FSTL4: variants seen among roughly 807,000 people sequenced by gnomAD.
FSTL4 encodes follistatin like 4, also known as follistatin-related protein 4.
FSTL4 carries 28 observed loss-of-function variants against 78.2 expected under a neutral mutation model. That is an observed-to-expected ratio of 0.36 (90% confidence interval 0.27 to 0.49). The LOEUF (loss-of-function observed/expected upper bound fraction) is 0.49. Ranked by LOEUF, FSTL4 falls within the 20% of genes least tolerant of loss-of-function variation. The probability of loss-of-function intolerance (pLI) is 0.98; values close to 1 mark genes in which losing one functional copy is unlikely to be tolerated. For synonymous variants in FSTL4, 422 were observed against 440.5 expected (o/e 0.96, Z 0.53); for missense variants, 922 against 1,084.9 (o/e 0.85, Z 2.11).
the FSTL4 span, among the ~76,000 whole-genome samples, chr5:133,729,880 G>A: frequency 6.6e-6 from 1 of 152,104 alleles, no homozygotes; most frequent in Non-Finnish European, 1.5e-5. Flanking sequence ...AGAGGAACGA[G>A]TCTCTCAAGC....
chr5:133,217,753 C>T (rs1263575924), intron 12 of FSTL4, among the ~76,000 whole-genome samples: 3 of 152,158 alleles, frequency 2.0e-5, no homozygotes, highest in Non-Finnish European at 4.4e-5. Flanking sequence ...AACACTCTGG[C>T]TCTAGTCCTC....
the FSTL4 span, among the ~76,000 whole-genome samples, chr5:133,694,333 T>G: frequency 1.9e-4 from 29 of 152,342 alleles, no homozygotes; most frequent in African/African-American, 7.0e-4. Context: ...AAAACTGAGT[T>G]TGCCTGGGCG....
chr5:133,208,672 G>A (rs1750604674), intron 14 of FSTL4, among the ~76,000 whole-genome samples: 1 of 152,052 alleles, frequency 6.6e-6, no homozygotes, highest in African/African-American at 2.4e-5. Context: ...TAGAAACCAT[G>A]CATTTTTCTT....
intron 3 of FSTL4, among the ~76,000 whole-genome samples, chr5:133,512,068 C>A (rs1758745593): frequency 6.6e-6 from 1 of 152,254 alleles, no homozygotes; most frequent in Admixed American, 6.5e-5. Context: ...CCTTCTACAT[C>A]CTTCACTGAG....
chr5:133,357,488 C>T (rs1754967141), intron 4 of FSTL4, among the ~76,000 whole-genome samples: 1 of 152,132 alleles, frequency 6.6e-6, no homozygotes, highest in Non-Finnish European at 1.5e-5. Flanking sequence ...GCCAGGGAGC[C>T]AATTTCTAGT....
chr5:133,537,298 A>G (rs1759369377), intron 3 of FSTL4, among the ~76,000 whole-genome samples: 1 of 152,000 alleles, frequency 6.6e-6, no homozygotes, highest in Non-Finnish European at 1.5e-5. Flanking sequence ...AAGTTTCATA[A>G]TTTTTTCTCC....
chr5:133,405,689 C>T (rs1011584190), intron 3 of FSTL4, among the ~76,000 whole-genome samples: 5 of 152,220 alleles, frequency 3.3e-5, no homozygotes, highest in African/African-American at 7.2e-5. Context: ...TACCCTCACA[C>T]GTGGCAAGGT....
chr5:133,615,765 C>G (rs1274516715), upstream of FSTL4, among the ~76,000 whole-genome samples: 1 of 152,144 alleles, frequency 6.6e-6, no homozygotes, highest in Non-Finnish European at 1.5e-5. Context: ...TTGTTTTTAA[C>G]TTTATTTCAG....
chr5:133,240,643 C>T (rs900590332), intron 7 of FSTL4, among the ~76,000 whole-genome samples: 1 of 151,614 alleles, frequency 6.6e-6, no homozygotes, highest in East Asian at 1.9e-4. Context: ...CTGTGGATGC[C>T]AAAGGGGAGG....
intron 4 of FSTL4, among the ~76,000 whole-genome samples, chr5:133,335,093 G>C (rs1754434093): frequency 6.6e-6 from 1 of 152,342 alleles, no homozygotes; most frequent in South Asian, 2.1e-4. Flanking sequence ...GGCGGTCTGT[G>C]CTGACACGGC....
intron 6 of FSTL4, among the ~76,000 whole-genome samples, chr5:133,298,238 G>T (rs1753449895): frequency 6.6e-6 from 1 of 152,252 alleles, no homozygotes; most frequent in Non-Finnish European, 1.5e-5. Context: ...AACTATGAAT[G>T]CTGTATGATT....
chr5:133,204,152 A>C (rs1317391458), intron 14 of FSTL4, among the ~76,000 whole-genome samples: 1 of 152,168 alleles, frequency 6.6e-6, no homozygotes, highest in Non-Finnish European at 1.5e-5. Flanking sequence ...GAGGGGTGGG[A>C]GAGAACATGG....
At chr5:133,211,605 C>A (rs192796074) in intron 13 of FSTL4, among the ~76,000 whole-genome samples, 46 of 152,368 alleles carry the variant, frequency 3.0e-4, no homozygotes, top group Non-Finnish European at 1.5e-4. Flanking sequence ...CCTTAACTCA[C>A]TTTCACCAAG....
chr5:133,382,912 A>C (rs983128934), intron 4 of FSTL4, among the ~76,000 whole-genome samples: 3 of 151,868 alleles, frequency 2.0e-5, no homozygotes, highest in Non-Finnish European at 4.4e-5. Flanking sequence ...GGAAAGAAAG[A>C]GGGCACAGAG....
intron 3 of FSTL4, among the ~76,000 whole-genome samples, chr5:133,473,628 T>A (rs1757869851): frequency 6.6e-6 from 1 of 152,210 alleles, no homozygotes; most frequent in Non-Finnish European, 1.5e-5. Context: ...AAGAAAGGTG[T>A]AATAACAGAG....
chr5:133,303,942 G>C (rs551360920), intron 6 of FSTL4, among the ~76,000 whole-genome samples: 175 of 152,288 alleles, frequency 1.1e-3, no homozygotes, highest in African/African-American at 3.4e-3. Context: ...AGTGGGCTTG[G>C]GGGCACTCCC....
At chr5:133,666,431 G>A in the FSTL4 span, among the ~76,000 whole-genome samples, 10 of 152,078 alleles carry the variant, frequency 6.6e-5, no homozygotes, top group African/African-American at 2.4e-4. Flanking sequence ...AGCCTCCAAC[G>A]TTGTATTTCT....
intron 4 of FSTL4, among the ~76,000 whole-genome samples, chr5:133,392,334 T>G (rs153198): frequency 0.92 from 139,333 of 152,112 alleles, 64,335 homozygotes; most frequent in Non-Finnish European, 0.97. Flanking sequence ...CCAGGGGAAA[T>G]ACCTGGAAGC....
At chr5:133,453,790 G>C (rs1051222678) in intron 3 of FSTL4, among the ~76,000 whole-genome samples, 2 of 152,246 alleles carry the variant, frequency 1.3e-5, no homozygotes, top group African/African-American at 4.8e-5. Context: ...ATCAGGAAGA[G>C]GGGGCCAGGT....
Sources: gnomAD v4.1 joint callset for allele counts (sites outside exome capture counted in the v4.1 genomes callset) on GRCh38, gnomAD v4.1.1 for gene constraint, MANE v1.5 for transcripts, NCBI Gene and HGNC (gene_info 2026-07-23, HGNC 2026-07-21) for gene names.